The following RTN3 variants were observed in gnomAD, a reference collection of about 807,000 sequenced individuals.
RTN3 encodes reticulon 3.
A neutral mutation model predicts 77.8 loss-of-function variants in RTN3; 49 were observed. The ratio of observed to expected loss-of-function variants is 0.63; its 90% CI spans 0.50 to 0.80. The LOEUF (loss-of-function observed/expected upper bound fraction) is 0.80, where lower values mean the gene tolerates loss of function less well. Ranked by LOEUF, RTN3 falls within the 30% of genes least tolerant of loss-of-function variation. The pLI, the probability that RTN3 is intolerant of heterozygous loss-of-function variation, is 0.00. For missense variants in RTN3, 1,236 were observed against 1,211.9 expected (o/e 1.02, Z -0.29); for synonymous variants, 464 against 446.9 (o/e 1.04, Z -0.48).
chr11:63,696,092 TAAAAAAAA>T (rs539527094), intron 1 of RTN3, among the ~76,000 whole-genome samples: 3 of 139,312 alleles, frequency 2.2e-5, no homozygotes, highest in African/African-American at 7.9e-5. Flanking sequence ...AAGTTTCCTT[TAAAAAAAA>T]AAAAAAAACC....
At position 63,704,866 on chromosome 11, in the gene RTN3, C is replaced by G. The variant is rs757760953; in HGVS notation, c.158C>G (p.Ser53Cys). Residue 53 changes from serine (S) to cysteine (C), a missense_variant, in exon 2 of 9, where the codon TCC becomes TGC. Physicochemically the swap from Ser to Cys is moderately radical, Grantham distance 112. Coordinates refer to ENST00000377819, the MANE Select transcript of RTN3 (RefSeq NM_001265589.2). Reference sequence around the variant, plus strand: ...TTTCTTTCAGATTCCTTTGTTTCTTCCTCTTCCTCTCAGCCTGTATCTCTA... The same window carrying G: ...TTTCTTTCAGATTCCTTTGTTTCTTGCTCTTCCTCTCAGCCTGTATCTCTA... The part of the protein sequence containing the change: ...SSSCADSFVS[S>C]SSSQPVSLFS... 37 of 1,611,288 alleles carry G rather than the reference C, an allele frequency of 2.3e-5. No individual in the cohort carries two copies. The highest frequency in any genetic ancestry group is 4.0e-5 in the African/African-American group (3 of 74,860).
At chr11:63,716,979 C>CAAAAAAAAA (rs6144367) in intron 2 of RTN3, among the ~76,000 whole-genome samples, 13 of 120,266 alleles carry the variant, frequency 1.1e-4, no homozygotes, top group Non-Finnish European at 1.5e-4. Flanking sequence ...AAAAAAAAAA[C>CAAAAAAAAA]AAAAAAAAAA....
At chr11:63,743,515 T>C (rs544092967) in intron 3 of RTN3, among the ~76,000 whole-genome samples, 66 of 152,362 alleles carry the variant, frequency 4.3e-4, no homozygotes, top group African/African-American at 1.5e-3. Context: ...GATTATTGAA[T>C]GTTAAGCCAA....
In RTN3 at chr11:63,758,219, A is replaced by G. The variant is rs1286492868; in HGVS notation, c.*18A>G. Reference sequence around the variant, plus strand: ...CAGAATAAGTACATGGAAACCAGAAATGCAACAGTTACTAAAACACCATTT... The same window carrying G: ...CAGAATAAGTACATGGAAACCAGAAGTGCAACAGTTACTAAAACACCATTT... On this transcript the variant is annotated 3_prime_UTR_variant, in exon 9 of 9. Coordinates refer to ENST00000377819, the MANE Select transcript of RTN3 (RefSeq NM_001265589.2). 39 of 1,613,662 alleles carry G rather than the reference A, an allele frequency of 2.4e-5. No homozygotes were observed. Among genetic ancestry groups the G allele is most frequent in the Non-Finnish European group, 3.1e-5 (37 of 1,179,904 alleles).
intron 3 of RTN3, among the ~76,000 whole-genome samples, chr11:63,741,877 T>C (rs997074225): frequency 3.9e-5 from 6 of 152,188 alleles, no homozygotes; most frequent in African/African-American, 1.4e-4. Context: ...TGCTCTATTA[T>C]CTTTCGACCA....
intron 3 of RTN3, among the ~76,000 whole-genome samples, chr11:63,744,156 C>G (rs1307680855): frequency 7.3e-6 from 1 of 137,328 alleles, no homozygotes; most frequent in East Asian, 2.4e-4. Context: ...GTGGGAGAAT[C>G]GCTTGAACCT....
chr11:63,704,226 C>T (rs1942386180), intron 1 of RTN3, among the ~76,000 whole-genome samples: 1 of 152,036 alleles, frequency 6.6e-6, no homozygotes, highest in African/African-American at 2.4e-5. Flanking sequence ...TGGTTTCGAA[C>T]TCCTGACCTC....
chr11:63,751,000 G>C (rs879588940), intron 4 of RTN3, among the ~76,000 whole-genome samples: 5 of 151,840 alleles, frequency 3.3e-5, no homozygotes, highest in Non-Finnish European at 7.4e-5. Flanking sequence ...CCAAAGTGCT[G>C]GGATTACAGG....
intron 2 of RTN3, among the ~76,000 whole-genome samples, chr11:63,708,507 G>A (rs993204362): frequency 2.0e-5 from 3 of 151,922 alleles, no homozygotes; most frequent in Non-Finnish European, 4.4e-5. Flanking sequence ...TTTTTATCCT[G>A]AAATACATAT....
At chr11:63,726,959 G>A (rs1418051929) in intron 3 of RTN3, among the ~76,000 whole-genome samples, 1 of 151,182 alleles carries the variant, frequency 6.6e-6, no homozygotes, top group African/African-American at 2.4e-5. Flanking sequence ...GGAGGCTGAA[G>A]CAGGTGGATC....
intron 2 of RTN3, chr11:63,713,958 G>C (rs1321414524): frequency 3.9e-6 from 2 of 513,352 alleles, no homozygotes; most frequent in Non-Finnish European, 7.8e-6. Flanking sequence ...GGACTTTTCT[G>C]TCCTTTTGCC....
intron 2 of RTN3, among the ~76,000 whole-genome samples, chr11:63,713,101 A>T (rs1399335223): frequency 6.6e-6 from 1 of 152,144 alleles, no homozygotes; most frequent in Non-Finnish European, 1.5e-5. Context: ...ATCTCTCAAA[A>T]ATATAAAAGA....
In RTN3 at chr11:63,694,748, G is replaced by A. The variant is rs139307798; in HGVS notation, c.143-10103G>A. Among the ~76,000 whole-genome samples the A allele has an allele frequency of 3.8e-3, 584 of 152,244 alleles. 6 individuals are homozygous for A. Among genetic ancestry groups the A allele is most frequent in the African/African-American group, 0.013 (521 of 41,546 alleles). On this transcript the variant is annotated intron_variant, in intron 1 of 8. Coordinates refer to ENST00000377819, the MANE Select transcript of RTN3 (RefSeq NM_001265589.2). ...GCTGGGATCACACGAGTGAGCCAGC[G>A]CGCCCAACCTTTAACCAATTTCATA...
At chr11:63,755,651 CAAAAAAAAAA>C (rs776039864) in intron 7 of RTN3, among the ~76,000 whole-genome samples, 3 of 17,060 alleles carry the variant, frequency 1.8e-4, no homozygotes, top group African/African-American at 4.7e-4. Context: ...AATTCCATCT[CAAAAAAAAAA>C]AAAAAAAAAA....
In RTN3 at chr11:63,681,564, T is replaced by G; in HGVS notation, c.-73T>G. On this transcript the variant is annotated 5_prime_UTR_variant, in exon 1 of 9. Transcript: ENST00000377819. ...GGACTTGAGCGAGCCAGTTGCCGGA[T>G]TATTCTATTTCCCCTCCCTCTCTCC... The G allele has an allele frequency of 5.6e-6, 8 of 1,424,436 alleles. No homozygotes were observed. Among genetic ancestry groups the G allele is most frequent in the Non-Finnish European group, 6.6e-6 (7 of 1,061,778 alleles). The allele number at this position is 1,424,436 out of a possible 1,614,324, so 88.2% of individuals were successfully genotyped here.
chr11:63,743,506 AT>A (rs557807155), intron 3 of RTN3, among the ~76,000 whole-genome samples: 94 of 152,300 alleles, frequency 6.2e-4, no homozygotes, highest in African/African-American at 1.9e-3. Context: ...AATTATTTTG[AT>A]TATTGAATGT....
Position 63,704,465 on chromosome 11 carries a change from G to A in RTN3, c.143-386G>A, listed in dbSNP as rs910610140. Among the ~76,000 whole-genome samples the A allele has an allele frequency of 5.9e-5, 9 of 152,128 alleles. No homozygotes were observed. The South Asian group carries it at 6.2e-4, about 11-fold the overall frequency. ...GACTTACCTCCTCAAAATGCATCCAGGAATGGTTAAAAGCAAATATTAATT... is the reference window on the plus strand; with the variant it reads ...GACTTACCTCCTCAAAATGCATCCAAGAATGGTTAAAAGCAAATATTAATT... On this transcript the variant is annotated intron_variant, in intron 1 of 8. Coordinates refer to ENST00000377819, the MANE Select transcript of RTN3 (RefSeq NM_001265589.2).
At chr11:63,752,917 A>G (rs2014180789) in intron 5 of RTN3, 152 bp from the exon 6 acceptor site, 2 of 842,324 alleles carry the variant, frequency 2.4e-6, no homozygotes, top group Non-Finnish European at 3.9e-6. Context: ...CTTCAAATGT[A>G]TAACACAAGT....
At chr11:63,712,461 T>C (rs2011185244) in intron 2 of RTN3, among the ~76,000 whole-genome samples, 2 of 150,774 alleles carry the variant, frequency 1.3e-5, no homozygotes, top group Admixed American at 6.7e-5. Context: ...ACACGATTAG[T>C]AATTGTGATT....
Sources: gnomAD v4.1 joint callset for allele counts (sites outside exome capture counted in the v4.1 genomes callset) on GRCh38, gnomAD v4.1.1 for gene constraint, MANE v1.5 for transcripts, NCBI Gene and HGNC (gene_info 2026-07-23, HGNC 2026-07-21) for gene names.